Variants in ALOX5AP observed in about 807,000 individuals in gnomAD.
The protein encoded by ALOX5AP is arachidonate 5-lipoxygenase activating protein, also known as arachidonate 5-lipoxygenase-activating protein.
In ALOX5AP, 9 loss-of-function variants were observed where a neutral mutation model predicts 18.5. The observed-to-expected ratio is 0.49, with a 90% confidence interval of 0.29 to 0.85. ALOX5AP has a LOEUF of 0.85. ALOX5AP is among the 40% of genes least tolerant of loss of function. The pLI, the probability that ALOX5AP is intolerant of heterozygous loss-of-function variation, is 0.08. For synonymous variants in ALOX5AP, 81 were observed against 78.6 expected (o/e 1.03, Z -0.16); for missense variants, 172 against 202.5 (o/e 0.85, Z 0.91).
At chr13:30,742,842 G>C (rs1049418705) in intron 1 of ALOX5AP, among the ~76,000 whole-genome samples, 5 of 150,484 alleles carry the variant, frequency 3.3e-5, no homozygotes, top group African/African-American at 1.2e-4. Flanking sequence ...GGGAGAGGGG[G>C]CAGAGAGACC....
At chr13:30,722,619 T>C (rs1951602896) in intron 1 of ALOX5AP, among the ~76,000 whole-genome samples, 1 of 152,322 alleles carries the variant, frequency 6.6e-6, no homozygotes, top group Non-Finnish European at 1.5e-5. Context: ...CTCTTTAGGA[T>C]CTGGGCCCAT....
At chr13:30,738,572 G>T (rs1196459625) in intron 1 of ALOX5AP, among the ~76,000 whole-genome samples, 1 of 152,204 alleles carries the variant, frequency 6.6e-6, no homozygotes, top group Non-Finnish European at 1.5e-5. Flanking sequence ...TTTCTTATGA[G>T]TAGCAGGCAG....
At chr13:30,719,073 T>A (rs959669564) in intron 1 of ALOX5AP, among the ~76,000 whole-genome samples, 6 of 152,324 alleles carry the variant, frequency 3.9e-5, no homozygotes, top group African/African-American at 1.4e-4. Context: ...GGCATCACAC[T>A]GACCGGGTCT....
At chr13:30,739,963 A>G (rs1951749826) in intron 1 of ALOX5AP, among the ~76,000 whole-genome samples, 1 of 152,190 alleles carries the variant, frequency 6.6e-6, no homozygotes, top group African/African-American at 2.4e-5. Flanking sequence ...TATGCGTTTT[A>G]CCCAGCAGTC....
At position 30,756,026 on chromosome 13, in the gene ALOX5AP, G is replaced by T; in HGVS notation, c.323+1G>T. On this transcript the variant is annotated splice_donor_variant, in intron 4 of 4. Coordinates refer to ENST00000380490, the MANE Select transcript of ALOX5AP (RefSeq NM_001629.4). LOFTEE classifies it high-confidence loss of function. ...GTTACCTAGGAGAGAGAACGCAGAG[G>T]TAGGTAACTGGGACTACTAAAGAAC... is the stretch of plus-strand genomic sequence containing the variant. The T allele has an allele frequency of 6.2e-7, 1 of 1,613,894 alleles. No individual in the cohort carries two copies. The highest frequency in any genetic ancestry group is 1.3e-5 in the African/African-American group (1 of 75,072).
At chr13:30,755,411 C>G (rs1029434404) in intron 3 of ALOX5AP, among the ~76,000 whole-genome samples, 18 of 152,174 alleles carry the variant, frequency 1.2e-4, no homozygotes, top group Non-Finnish European at 8.8e-5. Context: ...TTATGCAAGC[C>G]TGGTTGACCA....
At chr13:30,727,864 TC>T (rs981761098) in intron 1 of ALOX5AP, among the ~76,000 whole-genome samples, 9 of 152,232 alleles carry the variant, frequency 5.9e-5, no homozygotes, top group Admixed American at 4.6e-4. Flanking sequence ...TGTCCTTGCT[TC>T]CCACACTTCA....
At chr13:30,755,806 C>T (rs953654136) in intron 3 of ALOX5AP, 138 bp from the exon 4 acceptor site, 1 of 757,804 alleles carries the variant, frequency 1.3e-6, no homozygotes. Context: ...CTCAGGTTTC[C>T]TCTAGCCCTT....
intron 4 of ALOX5AP, among the ~76,000 whole-genome samples, chr13:30,762,912 A>G (rs993313830): frequency 6.6e-6 from 1 of 152,174 alleles, no homozygotes; most frequent in Non-Finnish European, 1.5e-5. Flanking sequence ...CTGCAGAGGG[A>G]GGGCAGAAAC....
At chr13:30,716,932 G>A (rs554820175) in intron 1 of ALOX5AP, among the ~76,000 whole-genome samples, 1 of 152,338 alleles carries the variant, frequency 6.6e-6, no homozygotes, top group Admixed American at 6.5e-5. Flanking sequence ...GTGGAGTCAC[G>A]GACAGCGCCA....
At chr13:30,713,839 C>T in exon 1 of ALOX5AP, 1 of 1,453,114 alleles carries the variant, frequency 6.9e-7, no homozygotes, top group Non-Finnish European at 9.0e-7. Flanking sequence ...GCCATCAGTG[C>T]TGGTGTGTGT....
rs773923945 is a variant in ALOX5AP at position 30,752,085 on chromosome 13, C to T, written c.204C>T (p.Leu68=). ...GTGTAGATGCGTACCCCACTTTCCTCGCTGTGCTCTGGTCTGCGGGGCTAC... is the reference window on the plus strand; with the variant it reads ...GTGTAGATGCGTACCCCACTTTCCTTGCTGTGCTCTGGTCTGCGGGGCTAC... ...QNCVDAYPTF[L]AVLWSAGLLC... is the part of the protein sequence containing the mutation. The change falls in exon 3 of 5, where the codon CTC becomes CTT. Residue 68 remains leucine (L), a synonymous_variant. Coordinates refer to ENST00000380490, the MANE Select transcript of ALOX5AP (RefSeq NM_001629.4). 1.3e-5 allele frequency: 21 copies of T among 1,614,162 alleles called. No homozygotes were observed. Among genetic ancestry groups the T allele is most frequent in the East Asian group, 2.2e-5 (1 of 44,880 alleles).
chr13:30,733,488 A>T (rs919906187), upstream of ALOX5AP, among the ~76,000 whole-genome samples: 17 of 152,244 alleles, frequency 1.1e-4, no homozygotes, highest in African/African-American at 4.1e-4. Context: ...TGCAGGTATG[A>T]ATTGGATCTC....
In ALOX5AP at chr13:30,745,604, T is replaced by A. The variant is rs4238137; in HGVS notation, c.170+1445T>A. On this transcript the variant is annotated intron_variant, in intron 2 of 4. Coordinates refer to ENST00000380490, the MANE Select transcript of ALOX5AP (RefSeq NM_001629.4). ...AGAGGTTTCTATTTTAACATTTAGG[T>A]CTTCCATGTATTAATTCTCAGAATC... 5.9e-5 allele frequency among the ~76,000 whole-genome samples: 9 copies of A among 152,380 alleles called. No homozygotes were observed. In the East Asian group the frequency reaches 1.5e-3, roughly 26 times the overall value.
intron 3 of ALOX5AP, among the ~76,000 whole-genome samples, chr13:30,754,678 C>T (rs957755655): frequency 6.6e-6 from 1 of 152,220 alleles, no homozygotes; most frequent in East Asian, 1.9e-4. Flanking sequence ...AAAGACCTGG[C>T]TTCAAATTCC....
intron 2 of ALOX5AP, among the ~76,000 whole-genome samples, chr13:30,748,846 C>G (rs1440522683): frequency 1.3e-5 from 2 of 152,200 alleles, no homozygotes; most frequent in Admixed American, 6.5e-5. Flanking sequence ...CTCACATAGC[C>G]CATAAGAGGC....
intron 1 of ALOX5AP, among the ~76,000 whole-genome samples, chr13:30,715,360 T>C (rs906368180): frequency 3.9e-5 from 6 of 152,248 alleles, no homozygotes; most frequent in African/African-American, 1.4e-4. Flanking sequence ...AGTTTTCTTA[T>C]TATTCTAATA....
intron 1 of ALOX5AP, among the ~76,000 whole-genome samples, chr13:30,738,888 T>C (rs1171846527): frequency 6.6e-6 from 1 of 152,056 alleles, no homozygotes; most frequent in African/African-American, 2.4e-5. Flanking sequence ...TTTGTGAGCA[T>C]AGTGCTAAGG....
chr13:30,736,733 T>C (rs1189453886), intron 1 of ALOX5AP, among the ~76,000 whole-genome samples: 1 of 152,224 alleles, frequency 6.6e-6, no homozygotes, highest in Non-Finnish European at 1.5e-5. Flanking sequence ...ACTCCAAGTA[T>C]GTTTTCTACA....
Sources: allele counts gnomAD v4.1 joint callset (sites outside exome capture counted in the v4.1 genomes callset), GRCh38; gene constraint gnomAD v4.1.1; transcripts MANE v1.5; gene names NCBI Gene and HGNC (gene_info 2026-07-23, HGNC 2026-07-21).